Variants in RPS6KC1 observed in about 807,000 individuals in gnomAD.
RPS6KC1 encodes the protein inactive ribosomal protein S6 kinase delta-1.
RPS6KC1 carries 54 observed loss-of-function variants against 103.8 expected under a neutral mutation model. The ratio of observed to expected loss-of-function variants is 0.52; its 90% CI spans 0.42 to 0.65. The LOEUF (loss-of-function observed/expected upper bound fraction) is 0.65, where lower values mean the gene tolerates loss of function less well. RPS6KC1 is among the 30% of genes least tolerant of loss of function. The pLI is 0.00. For synonymous variants in RPS6KC1, 439 were observed against 438.7 expected, an observed-to-expected ratio of 1.00 and a Z score of -0.01; for missense variants, 1,151 against 1,253.8, an observed-to-expected ratio of 0.92 and a Z score of 1.24.
the RPS6KC1 span, among the ~76,000 whole-genome samples, chr1:213,623,714 C>T: frequency 3.9e-5 from 6 of 152,114 alleles, no homozygotes; most frequent in Non-Finnish European, 7.4e-5. Context: ...TGAAAATTGT[C>T]ATATAAAATA....
the RPS6KC1 span, among the ~76,000 whole-genome samples, chr1:213,739,183 A>G: frequency 6.6e-6 from 1 of 152,102 alleles, no homozygotes; most frequent in African/African-American, 2.4e-5. Flanking sequence ...GAGAATAAAG[A>G]CCTCTATGAT....
chr1:213,526,336 A>G, the RPS6KC1 span, among the ~76,000 whole-genome samples: 2 of 152,146 alleles, frequency 1.3e-5, no homozygotes, highest in Non-Finnish European at 2.9e-5. Flanking sequence ...AGCGTACTGG[A>G]TGAAGGAAGT....
At chr1:213,688,775 T>A in the RPS6KC1 span, among the ~76,000 whole-genome samples, 3 of 152,326 alleles carry the variant, frequency 2.0e-5, no homozygotes, top group African/African-American at 7.2e-5. Context: ...TGGAGTTTTC[T>A]TGGCAGCTTC....
chr1:213,100,317 G>A (rs1457146882), intron 3 of RPS6KC1, among the ~76,000 whole-genome samples: 1 of 151,786 alleles, frequency 6.6e-6, no homozygotes, highest in African/African-American at 2.4e-5. Context: ...GGAGTTCTTT[G>A]TATATCTTAG....
At chr1:213,151,656 A>T (rs1212417766) in intron 6 of RPS6KC1, among the ~76,000 whole-genome samples, 2 of 53,434 alleles carry the variant, frequency 3.7e-5, no homozygotes, top group Non-Finnish European at 7.0e-5. Context: ...GGGGCTCCTC[A>T]CTTCCCAGTA....
chr1:213,117,389 T>C lies in RPS6KC1; in HGVS notation c.451T>C (p.Phe151Leu), dbSNP rs765921686. 7 of 1,606,324 alleles carry C rather than the reference T, an allele frequency of 4.4e-6. No individual in the cohort carries two copies. Residue 151 changes from phenylalanine to leucine, a missense_variant, in exon 5 of 15, where the codon TTT (phenylalanine) becomes CTT (leucine). This residue lies in a region of RPS6KC1 where 959 missense variants were observed against 1,006.3 expected (regional missense o/e 0.95). Transcript: ENST00000366960. ...TCACTCAGATTCCCTCATTGATACC[T>C]TTCCTGAGTGTAGTACGGAAGGTAA... ...EAHSDSLIDT[F>L]PECSTEGFSS...
chr1:213,479,837 A>T, the RPS6KC1 span, among the ~76,000 whole-genome samples: 11 of 150,562 alleles, frequency 7.3e-5, no homozygotes, highest in Non-Finnish European at 1.3e-4. Flanking sequence ...TTTAAAAAAA[A>T]TAGTCTATTT....
At chr1:213,493,084 G>A in the RPS6KC1 span, among the ~76,000 whole-genome samples, 3 of 152,188 alleles carry the variant, frequency 2.0e-5, no homozygotes, top group East Asian at 1.9e-4. Flanking sequence ...AGTCAGTCAC[G>A]TCCTGTATAA....
chr1:213,536,483 G>A, the RPS6KC1 span, among the ~76,000 whole-genome samples: 1 of 152,164 alleles, frequency 6.6e-6, no homozygotes, highest in Admixed American at 6.5e-5. Flanking sequence ...GAGGTGTTTA[G>A]TTTGTGGTGC....
At chr1:213,510,492 T>A in the RPS6KC1 span, among the ~76,000 whole-genome samples, 1 of 152,186 alleles carries the variant, frequency 6.6e-6, no homozygotes, top group Non-Finnish European at 1.5e-5. Flanking sequence ...CCAGGCAGGG[T>A]TTATTGGCCA....
At chr1:213,116,131 C>G (rs2083574841) in intron 4 of RPS6KC1, among the ~76,000 whole-genome samples, 2 of 152,034 alleles carry the variant, frequency 1.3e-5, no homozygotes, top group South Asian at 4.2e-4. Flanking sequence ...TCTCGTTGAT[C>G]TGTCTAATGT....
the RPS6KC1 span, among the ~76,000 whole-genome samples, chr1:213,496,543 A>C: frequency 6.6e-6 from 1 of 152,166 alleles, no homozygotes; most frequent in Admixed American, 6.5e-5. Flanking sequence ...GAATCATTTG[A>C]GGTCAAGGGT....
the RPS6KC1 span, among the ~76,000 whole-genome samples, chr1:213,723,606 C>T: frequency 6.6e-6 from 1 of 152,160 alleles, no homozygotes; most frequent in Non-Finnish European, 1.5e-5. Context: ...TAAGTATAGT[C>T]AGATTCTGAG....
the RPS6KC1 span, among the ~76,000 whole-genome samples, chr1:213,496,389 G>T: frequency 6.6e-6 from 1 of 152,114 alleles, no homozygotes; most frequent in Non-Finnish European, 1.5e-5. Context: ...ATATTAGGTG[G>T]ATGTAAACAA....
chr1:213,453,703 C>T, the RPS6KC1 span, among the ~76,000 whole-genome samples: 1 of 152,122 alleles, frequency 6.6e-6, no homozygotes, highest in South Asian at 2.1e-4. Context: ...TTGAAAGTCG[C>T]TGAACAAGTC....
At chr1:213,053,985 T>A (rs1976333) in intron 1 of RPS6KC1, among the ~76,000 whole-genome samples, 4 of 151,818 alleles carry the variant, frequency 2.6e-5, no homozygotes, top group Non-Finnish European at 5.9e-5. Flanking sequence ...ACAGGCGCCC[T>A]CCACCATACC....
the RPS6KC1 span, among the ~76,000 whole-genome samples, chr1:213,586,982 T>C: frequency 6.6e-6 from 1 of 152,176 alleles, no homozygotes; most frequent in Admixed American, 6.5e-5. Flanking sequence ...CCCACGCAAG[T>C]CACCTTCGGG....
chr1:213,668,446 T>C, the RPS6KC1 span, among the ~76,000 whole-genome samples: 2 of 123,174 alleles, frequency 1.6e-5, no homozygotes, highest in Admixed American at 2.1e-4. Context: ...AATAGTGTGC[T>C]TAAAATATTC....
intron 8 of RPS6KC1, among the ~76,000 whole-genome samples, chr1:213,212,857 A>ATTTGCCATCTGTATATCTTG (rs1296998091): frequency 8.6e-5 from 13 of 151,992 alleles, no homozygotes; most frequent in Admixed American, 8.5e-4. Flanking sequence ...TTATATGCTT[A>ATTTGCCATCTGTATATCTTG]TTTGCCATCT....
Sources: gnomAD v4.1 joint callset for allele counts (sites outside exome capture counted in the v4.1 genomes callset) on GRCh38, gnomAD v4.1.1 for gene constraint, gnomAD v4.1.1 regional missense constraint, MANE v1.5 for transcripts, NCBI Gene and HGNC (gene_info 2026-07-23, HGNC 2026-07-21) for gene names.